The following LMAN2L variants were observed in gnomAD, a reference collection of about 807,000 sequenced individuals.
The protein encoded by LMAN2L is VIP36-like protein.
A neutral mutation model predicts 44.3 loss-of-function variants in LMAN2L; 30 were observed. That is an observed-to-expected ratio of 0.68 (90% CI 0.51 to 0.92). LMAN2L has a LOEUF of 0.92. LMAN2L is among the 40% of genes least tolerant of loss of function. LMAN2L has a pLI of 0.00. For synonymous variants in LMAN2L, 183 were observed against 171.1 expected (o/e 1.07, Z -0.54); for missense variants, 429 against 446.1 (o/e 0.96, Z 0.35).
chr2:96,736,460 A>G (rs1326557250), intron 2 of LMAN2L, among the ~76,000 whole-genome samples: 1 of 152,252 alleles, frequency 6.6e-6, no homozygotes, highest in Non-Finnish European at 1.5e-5. Flanking sequence ...GGGAAGAACT[A>G]GAGGCTATAC....
chr2:96,710,951 G>A (rs566684958), intron 6 of LMAN2L, among the ~76,000 whole-genome samples: 3 of 152,316 alleles, frequency 2.0e-5, no homozygotes, highest in African/African-American at 7.2e-5. Flanking sequence ...TAAACGAGAA[G>A]CTACGAATCA....
intron 4 of LMAN2L, among the ~76,000 whole-genome samples, chr2:96,719,122 T>TGA: frequency 6.6e-6 from 1 of 152,188 alleles, no homozygotes; most frequent in Non-Finnish European, 1.5e-5. Context: ...TATGTCTTTA[T>TGA]TTCACTGCTG....
Position 96,737,942 on chromosome 2 carries a change from T to C in LMAN2L, c.306+7A>G. 6.3e-7 allele frequency: 1 copy of C among 1,592,480 alleles called. No homozygotes were observed. Among genetic ancestry groups the C allele is most frequent in the Middle Eastern group, 1.7e-4 (1 of 6,032 alleles). ...GTCACCAACACAGGAGGGAGAAAGATTCTTACCACCCGGTTCCACAAGGCA... is the reference window on the plus strand; with the variant it reads ...GTCACCAACACAGGAGGGAGAAAGACTCTTACCACCCGGTTCCACAAGGCA... On this transcript the variant is annotated splice_region_variant and intron_variant, in intron 2 of 7. Coordinates refer to ENST00000264963, the MANE Select transcript of LMAN2L (RefSeq NM_030805.4).
At position 96,728,161 on chromosome 2, in the gene LMAN2L, A is replaced by G. The variant is rs545433141; in HGVS notation, c.507+5358T>C. ...GGATGTAGAAAGGAAGATACTTTCCATACTCTCTGGACTGAATATAAGATC... is the reference window on the plus strand; with the variant it reads ...GGATGTAGAAAGGAAGATACTTTCCGTACTCTCTGGACTGAATATAAGATC... On this transcript the variant is annotated intron_variant, in intron 4 of 7. Coordinates refer to ENST00000264963, the MANE Select transcript of LMAN2L (RefSeq NM_030805.4). 4.6e-5 allele frequency among the ~76,000 whole-genome samples: 7 copies of G among 152,334 alleles called. No individual in the cohort carries two copies. In the East Asian group the frequency reaches 7.7e-4, roughly 17 times the overall value.
In LMAN2L at chr2:96,720,409, T is replaced by C. The variant is rs189721813; in HGVS notation, c.508-8384A>G. 4.2e-3 allele frequency among the ~76,000 whole-genome samples: 637 copies of C among 152,258 alleles called. 6 individuals carry two copies. The highest frequency in any genetic ancestry group is 5.4e-3 in the Non-Finnish European group (369 of 68,012). On this transcript the variant is annotated intron_variant, in intron 4 of 7. Transcript: ENST00000264963. ...ACTTTTCACCAACATCTGGGTAGGT[T>C]TGTGTGAGAAAGTGATGATCATCAG...
At chr2:96,709,919 G>T (rs760538063) in intron 6 of LMAN2L, among the ~76,000 whole-genome samples, 1 of 152,216 alleles carries the variant, frequency 6.6e-6, no homozygotes, top group Non-Finnish European at 1.5e-5. Flanking sequence ...ATTTCTGACA[G>T]TTGGGGACTT....
chr2:96,733,119 T>G (rs1394516802), intron 4 of LMAN2L, among the ~76,000 whole-genome samples: 5 of 152,118 alleles, frequency 3.3e-5, no homozygotes, highest in Non-Finnish European at 5.9e-5. Flanking sequence ...AAAAAGAAGC[T>G]GAAAAGTGTG....
chr2:96,721,793 T>A (rs2078162604), intron 4 of LMAN2L, among the ~76,000 whole-genome samples: 1 of 152,028 alleles, frequency 6.6e-6, no homozygotes, highest in Admixed American at 6.5e-5. Flanking sequence ...CTTATTTTCA[T>A]TGCTGATATT....
intron 4 of LMAN2L, 120 bp from the exon 5 acceptor site, chr2:96,712,145 T>C (rs938276084): frequency 2.1e-6 from 2 of 958,736 alleles, no homozygotes; most frequent in African/African-American, 3.3e-5. Context: ...AGGCAGCCAC[T>C]CGACCTCATT....
chr2:96,732,253 T>C (rs950845108), intron 4 of LMAN2L, among the ~76,000 whole-genome samples: 5 of 117,110 alleles, frequency 4.3e-5, no homozygotes, highest in Non-Finnish European at 8.5e-5. Context: ...CCTCGCTAGG[T>C]ACTTAGCTAC....
In LMAN2L at chr2:96,739,865, T is replaced by C. The variant is rs199768506; in HGVS notation, c.176A>G (p.Lys59Arg). ...EYLKREHSLS[K>R]PYQGVGTGSS... ...CCTGGGCGCCTCACCCTGGTAGGGC[T>C]TCGACAGCGAGTGCTCCCGTTTCAA... Residue 59 changes from lysine (K) to arginine (R), a missense_variant, in exon 1 of 8, where the codon AAG becomes AGG. Transcript: ENST00000264963. 3.1e-6 allele frequency: 5 copies of C among 1,613,804 alleles called. No individual in the cohort carries two copies. In the African/African-American group the frequency reaches 6.7e-5, roughly 22 times the overall value.
At chr2:96,730,342 T>C (rs1244200848) in intron 4 of LMAN2L, among the ~76,000 whole-genome samples, 4 of 152,146 alleles carry the variant, frequency 2.6e-5, no homozygotes, top group Admixed American at 6.6e-5. Flanking sequence ...AATCCTTTAA[T>C]GTACCTACCC....
At chr2:96,713,406 T>C (rs1261123573) in intron 4 of LMAN2L, among the ~76,000 whole-genome samples, 2 of 151,872 alleles carry the variant, frequency 1.3e-5, no homozygotes, top group Non-Finnish European at 2.9e-5. Context: ...CTCAAAGGGG[T>C]CCCCTAGGAA....
chr2:96,726,600 T>C (rs1249935595), intron 4 of LMAN2L, among the ~76,000 whole-genome samples: 3 of 151,428 alleles, frequency 2.0e-5, no homozygotes. Flanking sequence ...CTGGCAAACA[T>C]GGCAAACTCC....
chr2:96,710,445 G>A lies in LMAN2L; in HGVS notation c.784+1211C>T, dbSNP rs141508312. The stretch of plus-strand genomic sequence containing the variant: ...AGCACTTTCGGAGGCCAAGGCGGGC[G>A]GATCACAAGGTCGAGATGGAGACCA... On this transcript the variant is annotated intron_variant, in intron 6 of 7. Coordinates refer to ENST00000264963, the MANE Select transcript of LMAN2L (RefSeq NM_030805.4). 6.2e-3 allele frequency among the ~76,000 whole-genome samples: 949 copies of A among 152,238 alleles called. 15 individuals are homozygous for A. The highest frequency in any genetic ancestry group is 0.022 in the African/African-American group (899 of 41,526).
In LMAN2L at chr2:96,706,163, A is replaced by G. The variant is rs1006036556; in HGVS notation, c.*1093T>C. The G allele has an allele frequency of 2.0e-5, 3 of 152,508 alleles. No individual in the cohort carries two copies. Among genetic ancestry groups the G allele is most frequent in the Non-Finnish European group, 4.4e-5 (3 of 68,044 alleles). The allele number at this position is 152,508 out of a possible 1,614,324, so 9.4% of individuals were successfully genotyped here. ...TGAACTCTTCCAGGCACAGATGATGAGGGTCTGTTGCTCTCAGACTTGGAA... is the reference window on the plus strand; with the variant it reads ...TGAACTCTTCCAGGCACAGATGATGGGGGTCTGTTGCTCTCAGACTTGGAA... On this transcript the variant is annotated 3_prime_UTR_variant, in exon 8 of 8. Coordinates refer to ENST00000264963, the MANE Select transcript of LMAN2L (RefSeq NM_030805.4).
chr2:96,735,122 A>G (rs1475872034), intron 2 of LMAN2L, among the ~76,000 whole-genome samples: 1 of 152,232 alleles, frequency 6.6e-6, no homozygotes, highest in African/African-American at 2.4e-5. Flanking sequence ...TACAGTCCCC[A>G]AACCCTCCCG....
chr2:96,736,134 T>C (rs1020590311), intron 2 of LMAN2L, among the ~76,000 whole-genome samples: 2 of 152,164 alleles, frequency 1.3e-5, no homozygotes, highest in African/African-American at 4.8e-5. Context: ...CCAAGAGGTG[T>C]CTGTCACTGA....
At chr2:96,733,732 A>G in intron 3 of LMAN2L, 131 bp from the exon 4 acceptor site, 1 of 708,596 alleles carries the variant, frequency 1.4e-6, no homozygotes, top group South Asian at 1.8e-5. Flanking sequence ...GAGAAAACAC[A>G]TGTTTAAAAG....
Sources: allele counts gnomAD v4.1 joint callset (sites outside exome capture counted in the v4.1 genomes callset), GRCh38; gene constraint gnomAD v4.1.1; transcripts MANE v1.5; gene names NCBI Gene and HGNC (gene_info 2026-07-23, HGNC 2026-07-21).